Variants in VWA2 observed in about 807,000 individuals in gnomAD.
VWA2 encodes the protein von Willebrand factor A domain-containing protein 2.
In VWA2, 73 loss-of-function variants were observed where a neutral mutation model predicts 70.4. The ratio of observed to expected loss-of-function variants is 1.04; its 90% CI spans 0.86 to 1.26. The LOEUF (loss-of-function observed/expected upper bound fraction) is 1.26, where lower values mean the gene tolerates loss of function less well. VWA2 is among the 50% of genes most tolerant of loss of function. The pLI is 0.00. For synonymous variants in VWA2, 407 were observed against 423.3 expected (o/e 0.96, Z 0.47); for missense variants, 1,011 against 998.5 (o/e 1.01, Z -0.17).
At position 114,246,576 on chromosome 10, in the gene VWA2, G is replaced by A. The variant is rs933244197; in HGVS notation, c.-10-2128G>A. 3.2e-6 allele frequency: 4 copies of A among 1,231,960 alleles called. No homozygotes were observed. The African/African-American group carries it at 6.0e-5, about 18-fold the overall frequency. 76.3% of individuals were successfully genotyped at this position (1,231,960 alleles called of 1,614,324 possible). ...TCCCTGACTGTAACAGAGGGACCCA[G>A]GACCTCATTTTAAGACTGTTGAAGC... On this transcript the variant is annotated intron_variant, in intron 1 of 13. Transcript: ENST00000392982.
chr10:114,263,328 A>ATTTTTTTTTTTTTTTTTTT (rs35723083), intron 5 of VWA2, among the ~76,000 whole-genome samples: 1 of 76,144 alleles, frequency 1.3e-5, no homozygotes, highest in Non-Finnish European at 2.4e-5. Flanking sequence ...AATCTCCCCC[A>ATTTTTTTTTTTTTTTTTTT]TTTTTTTTTT....
intron 2 of VWA2, 53 bp downstream of exon 2, chr10:114,248,818 T>C (rs1049329468): frequency 3.9e-6 from 6 of 1,536,264 alleles, no homozygotes; most frequent in Non-Finnish European, 5.4e-6. Flanking sequence ...AGTAGGGGGG[T>C]TGCTTGCTTC....
At chr10:114,257,146 C>T (rs896812656) in intron 4 of VWA2, among the ~76,000 whole-genome samples, 7 of 152,042 alleles carry the variant, frequency 4.6e-5, no homozygotes, top group African/African-American at 1.2e-4. Flanking sequence ...CTTCCTGGAC[C>T]TTAGACCACC....
At chr10:114,253,009 T>A (rs1401866164) in intron 2 of VWA2, among the ~76,000 whole-genome samples, 1 of 151,506 alleles carries the variant, frequency 6.6e-6, no homozygotes, top group African/African-American at 2.4e-5. Context: ...TTACAAAGCA[T>A]CTGAGTGTAC....
chr10:114,260,004 G>A (rs772573216), intron 4 of VWA2, among the ~76,000 whole-genome samples: 2 of 152,206 alleles, frequency 1.3e-5, no homozygotes, highest in African/African-American at 2.4e-5. Context: ...CACGCCTGTC[G>A]AGGGAACGGC....
At chr10:114,261,045 G>C in intron 4 of VWA2, 141 bp from the exon 5 acceptor site, 1 of 613,690 alleles carries the variant, frequency 1.6e-6, no homozygotes, top group South Asian at 2.1e-5. Context: ...CTCCTTCTAG[G>C]GAGACTGGAG....
intron 5 of VWA2, among the ~76,000 whole-genome samples, chr10:114,262,083 G>A (rs573604508): frequency 7.9e-4 from 120 of 152,128 alleles, no homozygotes; most frequent in Middle Eastern, 6.8e-3. Context: ...GGAGGGATCC[G>A]CCCCCATGAT....
At chr10:114,268,781 G>T (rs1362449218) in intron 5 of VWA2, among the ~76,000 whole-genome samples, 1 of 151,060 alleles carries the variant, frequency 6.6e-6, no homozygotes, top group African/African-American at 2.4e-5. Flanking sequence ...TGCAAGCTCC[G>T]CCTCCCAGGT....
In VWA2 at chr10:114,294,105, AAC is replaced by A. The variant is rs2039848271; in HGVS notation, c.*2870_*2871del. Among the ~76,000 whole-genome samples, 1 of 152,156 alleles carries A rather than the reference AAC, an allele frequency of 6.6e-6. No individual in the cohort carries two copies. The highest frequency in any genetic ancestry group is 1.5e-5 in the Non-Finnish European group (1 of 68,008). On this transcript the variant is annotated 3_prime_UTR_variant, in exon 14 of 14. Coordinates refer to ENST00000392982, the MANE Select transcript of VWA2 (RefSeq NM_001272046.2). ...TCCATTTGTGTATTTTCAATCATTG[AAC>A]AACCCTTGATTTTTTTGGATAAACT...
In VWA2 at chr10:114,278,222, T is replaced by C. The variant is rs576491642; in HGVS notation, c.700+175T>C. Among the ~76,000 whole-genome samples the C allele has an allele frequency of 3.3e-5, 5 of 152,096 alleles. No homozygotes were observed. The East Asian group carries it at 9.6e-4, about 29-fold the overall frequency. On this transcript the variant is annotated intron_variant, in intron 7 of 13. Transcript: ENST00000392982. ...GTCTCCCTGTGCCCTGCCCTGTGGG[T>C]TTCCCAGCTGGGAGCCCCGAGCTTG...
At chr10:114,282,817 G>A (rs115249320) in intron 9 of VWA2, among the ~76,000 whole-genome samples, 3,387 of 152,282 alleles carry the variant, frequency 0.022, 146 homozygotes, top group African/African-American at 0.078. Flanking sequence ...TTGGTGAGAG[G>A]CAGAGAGGCA....
Position 114,277,897 on chromosome 10 carries a change from A to G in VWA2, c.567-17A>G, listed in dbSNP as rs781672972. The G allele has an allele frequency of 2.5e-6, 4 of 1,595,412 alleles. No individual in the cohort carries two copies. The highest frequency in any genetic ancestry group is 3.4e-6 in the Non-Finnish European group (4 of 1,166,926). Reference sequence around the variant, plus strand: ...GGTGGGTATAGGACCACAAGCTGTTACAACCCCTTGGCACAGGTGGGAGGA... The same window carrying G: ...GGTGGGTATAGGACCACAAGCTGTTGCAACCCCTTGGCACAGGTGGGAGGA... On this transcript the variant is annotated splice_polypyrimidine_tract_variant and intron_variant, in intron 6 of 13. Coordinates refer to ENST00000392982, the MANE Select transcript of VWA2 (RefSeq NM_001272046.2).
chr10:114,286,627 GC>G, intron 11 of VWA2, 116 bp downstream of exon 11: 1 of 863,600 alleles, frequency 1.2e-6, no homozygotes, highest in Non-Finnish European at 1.7e-6. Context: ...TGAAACCACA[GC>G]CCCACTCTTT....
chr10:114,282,516 C>CT lies in VWA2; in HGVS notation c.835dup (p.Trp279LeufsTer22). The CT allele has an allele frequency of 6.2e-7, 1 of 1,613,644 alleles. No individual in the cohort carries two copies. The highest frequency in any genetic ancestry group is 2.2e-5 in the East Asian group (1 of 44,872). On this transcript the variant is annotated frameshift_variant and splice_region_variant, in exon 9 of 14. Coordinates refer to ENST00000392982, the MANE Select transcript of VWA2 (RefSeq NM_001272046.2). LOFTEE classifies it high-confidence loss of function. Reference sequence around the variant, plus strand: ...ATAATTCTGTTTCCTTGGATTGTAGCTGGAAGAGAGTGTTCCTAACCCACC... The same window carrying CT: ...ATAATTCTGTTTCCTTGGATTGTAGCTTGGAAGAGAGTGTTCCTAACCCACC...
Position 114,286,386 on chromosome 10 carries a change from C to G in VWA2, c.1445C>G (p.Ala482Gly). ...ELLLLGVGSEAVRAELEEITG... is the reference protein window; with the variant it reads ...ELLLLGVGSEGVRAELEEITG... ...CTCCTGCTGGGTGTAGGCAGTGAGG[C>G]CGTGCGGGCAGAGCTGGAGGAGATC... is the stretch of plus-strand genomic sequence containing the variant. The change falls in exon 11 of 14, where the codon GCC (alanine) becomes GGC (glycine). Residue 482 changes from alanine (A) to glycine (G), a missense_variant. Coordinates refer to ENST00000392982, the MANE Select transcript of VWA2 (RefSeq NM_001272046.2). 6.2e-7 allele frequency: 1 copy of G among 1,613,808 alleles called. No homozygotes were observed. Among genetic ancestry groups the G allele is most frequent in the Non-Finnish European group, 8.5e-7 (1 of 1,180,018 alleles).
chr10:114,271,163 C>G (rs1032633096), intron 5 of VWA2, among the ~76,000 whole-genome samples: 1 of 152,090 alleles, frequency 6.6e-6, no homozygotes, highest in Non-Finnish European at 1.5e-5. Flanking sequence ...GTTATACTTC[C>G]TGGTCTCCAT....
At chr10:114,248,793 A>G in intron 2 of VWA2, 28 bp downstream of exon 2, 1 of 1,607,528 alleles carries the variant, frequency 6.2e-7, no homozygotes, top group South Asian at 1.1e-5. Context: ...GTGGTGGGGA[A>G]GTACTGGCGT....
intron 1 of VWA2, among the ~76,000 whole-genome samples, chr10:114,244,873 A>G (rs181821878): frequency 6.6e-6 from 1 of 152,370 alleles, no homozygotes; most frequent in Admixed American, 6.5e-5. Flanking sequence ...GCCCTCCCAC[A>G]GGAGGTATTC....
intron 1 of VWA2, among the ~76,000 whole-genome samples, chr10:114,240,799 C>T (rs1589731843): frequency 6.6e-6 from 1 of 152,290 alleles, no homozygotes; most frequent in Non-Finnish European, 1.5e-5. Flanking sequence ...CCTTACTCTT[C>T]TTTTGTAAAA....
Sources: gnomAD v4.1 joint callset for allele counts (sites outside exome capture counted in the v4.1 genomes callset) on GRCh38, gnomAD v4.1.1 for gene constraint, MANE v1.5 for transcripts, NCBI Gene and HGNC (gene_info 2026-07-23, HGNC 2026-07-21) for gene names.